Variants in TSPAN15 observed in about 807,000 individuals in gnomAD.
TSPAN15 encodes tetraspanin 15.
Under a neutral mutation model 34.5 loss-of-function variants are expected in TSPAN15, and 20 were observed. The ratio of observed to expected loss-of-function variants is 0.58; its 90% CI spans 0.41 to 0.84. The LOEUF (loss-of-function observed/expected upper bound fraction) is 0.84. TSPAN15 is among the 40% of genes least tolerant of loss of function. The pLI is 0.00. For synonymous variants in TSPAN15, 155 were observed against 153.9 expected (o/e 1.01, Z -0.05); for missense variants, 313 against 386.1 (o/e 0.81, Z 1.59).
chr10:69,474,299 G>T (rs1841569555), intron 1 of TSPAN15, among the ~76,000 whole-genome samples: 1 of 152,152 alleles, frequency 6.6e-6, no homozygotes, highest in Non-Finnish European at 1.5e-5. Flanking sequence ...AACTCCTCTT[G>T]CCCTCACTTT....
chr10:69,509,521 C>T (rs1006404322), downstream of TSPAN15, among the ~76,000 whole-genome samples: 5 of 151,794 alleles, frequency 3.3e-5, no homozygotes, highest in African/African-American at 1.2e-4. Flanking sequence ...AATTTTCTTC[C>T]ATTCTGTAGG....
intron 3 of TSPAN15, among the ~76,000 whole-genome samples, chr10:69,490,345 C>T (rs967025081): frequency 6.6e-6 from 1 of 152,206 alleles, no homozygotes; most frequent in African/African-American, 2.4e-5. Context: ...TGCTCAAGTC[C>T]TTTATATAAA....
At chr10:69,493,018 G>A (rs911551870) in intron 3 of TSPAN15, among the ~76,000 whole-genome samples, 1 of 152,132 alleles carries the variant, frequency 6.6e-6, no homozygotes, top group Admixed American at 6.5e-5. Flanking sequence ...CAATCATGTC[G>A]TTCAGTGCTG....
At chr10:69,533,190 T>G in the TSPAN15 span, among the ~76,000 whole-genome samples, 1 of 152,106 alleles carries the variant, frequency 6.6e-6, no homozygotes, top group African/African-American at 2.4e-5. Flanking sequence ...AAAGAAGTCA[T>G]TATATGAAAA....
rs1564617974 is a variant in TSPAN15, at chr10:69,506,209, CGGGCATCCTCCT to C, written c.714_725del (p.Gly240_Leu243del). ...TTCATGGACAACTACACCATCATGG[CGGGCATCCTCCT>C]GGGCATCCTGCTTCCCCAGGTGGGC... On this transcript the variant is annotated inframe_deletion, in exon 7 of 8. Transcript: ENST00000373290. This position sits in a 1 kb window ranked among gnomAD's most constrained non-coding sequence, Gnocchi z 4.7. 1.3e-5 allele frequency: 21 copies of C among 1,614,182 alleles called. No individual in the cohort carries two copies. Among genetic ancestry groups the C allele is most frequent in the South Asian group, 1.1e-5 (1 of 91,066 alleles).
the TSPAN15 span, among the ~76,000 whole-genome samples, chr10:69,517,014 A>G: frequency 6.6e-6 from 1 of 151,868 alleles, no homozygotes; most frequent in Non-Finnish European, 1.5e-5. Context: ...AGCATGTTGG[A>G]CTCCTTATAG....
At chr10:69,524,545 C>T in the TSPAN15 span, among the ~76,000 whole-genome samples, 1 of 146,342 alleles carries the variant, frequency 6.8e-6, no homozygotes. Flanking sequence ...TCGTGAAGAA[C>T]ACAAAACAGC....
intron 1 of TSPAN15, among the ~76,000 whole-genome samples, chr10:69,460,149 A>G (rs1055758853): frequency 1.5e-4 from 23 of 151,858 alleles, no homozygotes; most frequent in African/African-American, 5.3e-4. Context: ...ATGGCTATGG[A>G]ACCAACTCCT....
rs931834340 is a variant in TSPAN15, at chr10:69,451,708, G to A, written c.96+18G>A. The stretch of plus-strand genomic sequence containing the variant: ...TGTTCTGGGTGAGTGACCCCAGTAG[G>A]GCCCGGGGATGGGGGTGGGGACCCA... On this transcript the variant is annotated intron_variant, in intron 1 of 7. Coordinates refer to ENST00000373290, the MANE Select transcript of TSPAN15 (RefSeq NM_012339.5). 9 of 1,450,236 alleles carry A rather than the reference G, an allele frequency of 6.2e-6. No individual in the cohort carries two copies. The highest frequency in any genetic ancestry group is 1.8e-4 in the Middle Eastern group (1 of 5,638). 89.8% of individuals were successfully genotyped at this position (1,450,236 alleles called of 1,614,324 possible). A position where few individuals can be genotyped will look rare whatever the true frequency, so the allele number is the denominator to read the frequency against.
At position 69,506,826 on chromosome 10, in the gene TSPAN15, C is replaced by A. The variant is rs750450525; in HGVS notation, c.736-3C>A. 1.9e-6 allele frequency: 3 copies of A among 1,575,072 alleles called. No homozygotes were observed. Among genetic ancestry groups the A allele is most frequent in the African/African-American group, 2.7e-5 (2 of 74,372 alleles). ...CCTCACCAGCCCTGCCCCTTCTTCT[C>A]AGTTCCTGGGGGTGCTGCTGACGCT... On this transcript the variant is annotated splice_polypyrimidine_tract_variant and splice_region_variant and intron_variant, in intron 7 of 7. Coordinates refer to ENST00000373290, the MANE Select transcript of TSPAN15 (RefSeq NM_012339.5). This position sits in a 1 kb window ranked among gnomAD's most constrained non-coding sequence, Gnocchi z 4.7.
At chr10:69,496,449 A>G (rs1842087295) in intron 4 of TSPAN15, among the ~76,000 whole-genome samples, 2 of 151,706 alleles carry the variant, frequency 1.3e-5, no homozygotes, top group Non-Finnish European at 1.5e-5. Context: ...CAGCTTCCTC[A>G]CCTACATAAG....
At chr10:69,483,339 C>T (rs1841778925) in intron 1 of TSPAN15, among the ~76,000 whole-genome samples, 4 of 152,030 alleles carry the variant, frequency 2.6e-5, no homozygotes. Flanking sequence ...ACGCTGCCTT[C>T]TCCCTGCGTG....
At chr10:69,461,801 C>G (rs956159001) in intron 1 of TSPAN15, among the ~76,000 whole-genome samples, 3 of 152,070 alleles carry the variant, frequency 2.0e-5, no homozygotes, top group African/African-American at 7.2e-5. Flanking sequence ...GATTCTGAGA[C>G]TAGGTCACTT....
At chr10:69,470,013 T>C (rs1218831000) in intron 1 of TSPAN15, among the ~76,000 whole-genome samples, 1 of 152,252 alleles carries the variant, frequency 6.6e-6, no homozygotes, top group Admixed American at 6.5e-5. Context: ...TTTGTGGTGA[T>C]ATTTTACCCA....
At chr10:69,488,592 A>G (rs1476425775) in intron 3 of TSPAN15, among the ~76,000 whole-genome samples, 1 of 152,204 alleles carries the variant, frequency 6.6e-6, no homozygotes, top group Non-Finnish European at 1.5e-5. Context: ...AATAAAGAGA[A>G]AGAGTACAAA....
chr10:69,511,130 G>A (rs1842410679), downstream of TSPAN15, among the ~76,000 whole-genome samples: 1 of 152,142 alleles, frequency 6.6e-6, no homozygotes. Flanking sequence ...TCTGTTGTTT[G>A]GAATAGTTTC....
chr10:69,532,983 C>T, the TSPAN15 span, among the ~76,000 whole-genome samples: 2 of 152,176 alleles, frequency 1.3e-5, no homozygotes, highest in Admixed American at 1.3e-4. Context: ...GCGTTACCAC[C>T]TTAGTCCTGC....
the TSPAN15 span, among the ~76,000 whole-genome samples, chr10:69,528,131 A>G: frequency 0.56 from 81,741 of 147,004 alleles, 26,028 homozygotes; most frequent in African/African-American, 0.65. Context: ...GTATGTGAGC[A>G]AGCGTGGAGT....
intron 1 of TSPAN15, among the ~76,000 whole-genome samples, chr10:69,461,120 C>T (rs1022751907): frequency 1.1e-4 from 17 of 152,142 alleles, no homozygotes; most frequent in African/African-American, 3.4e-4. Context: ...CCGTCTGCCA[C>T]GTGTCTCACC....
Sources: gnomAD v4.1 joint callset for allele counts (sites outside exome capture counted in the v4.1 genomes callset) on GRCh38, gnomAD v4.1.1 for gene constraint, Gnocchi (gnomAD v3.1) non-coding constraint, MANE v1.5 for transcripts, NCBI Gene and HGNC (gene_info 2026-07-23, HGNC 2026-07-21) for gene names.